Variants in CDYL2 observed in about 807,000 individuals in gnomAD.
CDYL2 encodes the protein chromodomain Y like 2.
Under a neutral mutation model 49.4 loss-of-function variants are expected in CDYL2, and 23 were observed. The observed-to-expected ratio is 0.47, with a 90% CI of 0.34 to 0.66. The LOEUF (loss-of-function observed/expected upper bound fraction) is 0.66, where lower values mean the gene tolerates loss of function less well. Ranked by LOEUF, CDYL2 falls within the 30% of genes least tolerant of loss-of-function variation. The probability of loss-of-function intolerance (pLI) is 0.01; values close to 1 mark genes in which losing one functional copy is unlikely to be tolerated. For synonymous variants in CDYL2, 360 were observed against 268.8 expected (o/e 1.34, Z -3.32); for missense variants, 678 against 656.4 (o/e 1.03, Z -0.36).
chr16:80,799,976 T>C (rs77953406), intron 1 of CDYL2, among the ~76,000 whole-genome samples: 9,474 of 152,326 alleles, frequency 0.062, 366 homozygotes, highest in Middle Eastern at 0.12. Context: ...AGGAATGACC[T>C]CAGGTGTGAT....
At chr16:80,714,450 T>C (rs1567582069) in intron 1 of CDYL2, among the ~76,000 whole-genome samples, 2 of 152,196 alleles carry the variant, frequency 1.3e-5, no homozygotes. Context: ...CCCATAAATA[T>C]GTACAATTAC....
intron 3 of CDYL2, among the ~76,000 whole-genome samples, chr16:80,623,293 G>A (rs1907163478): frequency 6.6e-6 from 1 of 152,122 alleles, no homozygotes; most frequent in Admixed American, 6.5e-5. Flanking sequence ...TGGGTGTTCT[G>A]GGGTGAAATC....
chr16:80,793,774 T>C (rs1237894699), intron 1 of CDYL2, among the ~76,000 whole-genome samples: 1 of 152,196 alleles, frequency 6.6e-6, no homozygotes, highest in Non-Finnish European at 1.5e-5. Flanking sequence ...TCAGTGTAGA[T>C]TTCTTTTGTA....
chr16:80,772,709 C>T (rs1906948047), intron 1 of CDYL2, among the ~76,000 whole-genome samples: 1 of 152,162 alleles, frequency 6.6e-6, no homozygotes, highest in African/African-American at 2.4e-5. Context: ...CCTCGGCCTC[C>T]CAAAGTGCTG....
rs147396869 is a variant in CDYL2 at position 80,750,527 on chromosome 16, A to G, written c.24+53623T>C. The stretch of plus-strand genomic sequence containing the variant: ...ACAAAGAGATCTTAAAATATTATGT[A>G]TTCTCCACAACAAATAAACTTGGCA... On this transcript the variant is annotated intron_variant, in intron 1 of 6. Transcript: ENST00000570137. Among the ~76,000 whole-genome samples the G allele has an allele frequency of 3.2e-3, 484 of 152,260 alleles. 1 individual carries two copies. The highest frequency in any genetic ancestry group is 4.9e-3 in the Non-Finnish European group (333 of 68,008).
intron 1 of CDYL2, among the ~76,000 whole-genome samples, chr16:80,719,299 G>C (rs1006828043): frequency 6.6e-5 from 10 of 152,060 alleles, no homozygotes; most frequent in African/African-American, 2.4e-4. Flanking sequence ...AATCTGTGTG[G>C]GCCTTGAGCA....
intron 1 of CDYL2, among the ~76,000 whole-genome samples, chr16:80,699,868 A>ATT (rs66786988): frequency 1.1e-4 from 16 of 144,332 alleles, no homozygotes; most frequent in Non-Finnish European, 1.4e-4. Flanking sequence ...GACCAAAACA[A>ATT]TTTTTTTTTT....
intron 1 of CDYL2, among the ~76,000 whole-genome samples, chr16:80,688,936 GGTACC>G (rs1910305457): frequency 6.6e-6 from 1 of 152,114 alleles, no homozygotes; most frequent in Non-Finnish European, 1.5e-5. Context: ...ACAGAGAGCT[GGTACC>G]CCTGGTCCTG....
In CDYL2 at chr16:80,598,417, A is replaced by C. The variant is rs1905932328; in HGVS notation, c.*5971T>G. ...CTTCTTCAGCATCAATCATTTCTCAACTGGTCAATGGATCAATGATTCCAT... is the reference window on the plus strand; with the variant it reads ...CTTCTTCAGCATCAATCATTTCTCACCTGGTCAATGGATCAATGATTCCAT... On this transcript the variant is annotated 3_prime_UTR_variant, in exon 7 of 7. Transcript: ENST00000570137. 6.6e-6 allele frequency: 1 copy of C among 152,122 alleles called. No individual in the cohort carries two copies. Among genetic ancestry groups the C allele is most frequent in the African/African-American group, 2.4e-5 (1 of 41,400 alleles). The allele number at this position is 152,122 out of a possible 1,614,324, so 9.4% of individuals were successfully genotyped here. A position where few individuals can be genotyped will look rare whatever the true frequency, so the allele number is the denominator to read the frequency against.
intron 1 of CDYL2, among the ~76,000 whole-genome samples, chr16:80,697,516 C>T (rs1276636766): frequency 6.6e-6 from 1 of 152,108 alleles, no homozygotes; most frequent in Non-Finnish European, 1.5e-5. Flanking sequence ...TGGAACAAGA[C>T]AAGGAGGCAC....
intron 3 of CDYL2, among the ~76,000 whole-genome samples, chr16:80,631,375 G>A (rs1277888110): frequency 6.6e-6 from 1 of 152,188 alleles, no homozygotes; most frequent in Non-Finnish European, 1.5e-5. Context: ...GCTTCGTGGA[G>A]CATCTTCCCA....
chr16:80,665,503 A>G (rs1567561832), intron 2 of CDYL2, among the ~76,000 whole-genome samples: 1 of 49,874 alleles, frequency 2.0e-5, no homozygotes, highest in Admixed American at 2.4e-4. Context: ...GGTTTTTGCC[A>G]TTAAAAAAAA....
intron 1 of CDYL2, among the ~76,000 whole-genome samples, chr16:80,696,594 G>A (rs995083675): frequency 4.6e-5 from 7 of 151,534 alleles, no homozygotes; most frequent in Non-Finnish European, 8.8e-5. Context: ...CCAACAAATT[G>A]GAAAGCCTAG....
At chr16:80,613,544 T>A (rs1437751743) in intron 4 of CDYL2, among the ~76,000 whole-genome samples, 3 of 152,112 alleles carry the variant, frequency 2.0e-5, no homozygotes, top group African/African-American at 7.2e-5. Context: ...CTGACTAAAA[T>A]TGGGTTCCCT....
At chr16:80,734,652 AC>A (rs1339880056) in intron 1 of CDYL2, among the ~76,000 whole-genome samples, 1 of 152,170 alleles carries the variant, frequency 6.6e-6, no homozygotes, top group African/African-American at 2.4e-5. Flanking sequence ...AAGGGGGTTT[AC>A]TGCATAAGCA....
chr16:80,771,463 G>A (rs1163713325), intron 1 of CDYL2, among the ~76,000 whole-genome samples: 1 of 152,228 alleles, frequency 6.6e-6, no homozygotes, highest in African/African-American at 2.4e-5. Context: ...CAGCACTTCG[G>A]GAGGCCGAGG....
At chr16:80,671,302 T>C (rs1444248260) in intron 2 of CDYL2, among the ~76,000 whole-genome samples, 2 of 152,174 alleles carry the variant, frequency 1.3e-5, no homozygotes, top group Non-Finnish European at 2.9e-5. Context: ...GTGGCTGACA[T>C]AGGGGCCAGA....
chr16:80,721,833 T>G (rs1288683666), intron 1 of CDYL2, among the ~76,000 whole-genome samples: 1 of 152,166 alleles, frequency 6.6e-6, no homozygotes, highest in East Asian at 1.9e-4. Flanking sequence ...CCTGGTGCCA[T>G]GCAGTCCCCA....
chr16:80,656,526 A>C (rs372820862), intron 2 of CDYL2, among the ~76,000 whole-genome samples: 2 of 152,344 alleles, frequency 1.3e-5, no homozygotes, highest in East Asian at 3.9e-4. Flanking sequence ...GAAATGGTGC[A>C]TGCTACATAT....
Sources: gnomAD v4.1 joint callset for allele counts (sites outside exome capture counted in the v4.1 genomes callset) on GRCh38, gnomAD v4.1.1 for gene constraint, MANE v1.5 for transcripts, NCBI Gene and HGNC (gene_info 2026-07-23, HGNC 2026-07-21) for gene names.